TVP23B: variants seen among roughly 807,000 people sequenced by gnomAD.
The protein encoded by TVP23B is Golgi apparatus membrane protein TVP23 homolog B.
A neutral mutation model predicts 30.6 loss-of-function variants in TVP23B; 10 were observed. The ratio of observed to expected loss-of-function variants is 0.33; its 90% CI spans 0.20 to 0.55. The LOEUF is 0.55. TVP23B is among the 20% of genes least tolerant of loss of function. The pLI is 0.91. For synonymous variants in TVP23B, 67 were observed against 83.1 expected (o/e 0.81, Z 1.06); for missense variants, 153 against 243.2 (o/e 0.63, Z 2.47).
chr17:18,795,429 C>T lies in TVP23B; in HGVS notation c.241-2150C>T, dbSNP rs574351523. 5.2e-3 allele frequency among the ~76,000 whole-genome samples: 794 copies of T among 152,206 alleles called. 5 individuals are homozygous for T. Among genetic ancestry groups the T allele is most frequent in the African/African-American group, 0.018 (756 of 41,514 alleles). ...TGTATCAGTTGCCTCCTTCCTACTCCATATCCAATTAATGACCAAGTCCCA... is the reference window on the plus strand; with the variant it reads ...TGTATCAGTTGCCTCCTTCCTACTCTATATCCAATTAATGACCAAGTCCCA... On this transcript the variant is annotated intron_variant, in intron 3 of 6. Coordinates refer to ENST00000307767, the MANE Select transcript of TVP23B (RefSeq NM_016078.6).
intron 5 of TVP23B, among the ~76,000 whole-genome samples, chr17:18,802,483 A>AT (rs1306260794): frequency 1.3e-5 from 2 of 150,324 alleles, no homozygotes; most frequent in African/African-American, 4.9e-5. Context: ...CTGTTTCTGC[A>AT]TTTTTTTCTC....
chr17:18,790,162 G>A lies in TVP23B; in HGVS notation c.95+727G>A, dbSNP rs1258218045. ...GATATGTGAATTATATCTCAAAAAA[G>A]CTATTAAAAAACAAGAAACAGGCTG... On this transcript the variant is annotated intron_variant, in intron 2 of 6. Transcript: ENST00000307767. 2.6e-5 allele frequency among the ~76,000 whole-genome samples: 4 copies of A among 152,160 alleles called. No homozygotes were observed. The East Asian group carries it at 5.8e-4, about 22-fold the overall frequency.
intron 3 of TVP23B, among the ~76,000 whole-genome samples, 174 bp downstream of exon 3, chr17:18,791,214 A>AT (rs1320004078): frequency 3.6e-5 from 2 of 56,144 alleles, no homozygotes; most frequent in South Asian, 6.5e-4. Flanking sequence ...TTTTTTTTTC[A>AT]TTTTTTCCCT....
In TVP23B at chr17:18,790,965, G is replaced by T. The variant is rs1482236445; in HGVS notation, c.165G>T (p.Gly55=). The T allele has an allele frequency of 1.2e-6, 2 of 1,612,180 alleles. No individual in the cohort carries two copies. Among genetic ancestry groups the T allele is most frequent in the East Asian group, 4.5e-5 (2 of 44,854 alleles). ...VSAIIVYLLC[G]LLSSSFITCM... ...CAATCATCGTCTATCTTCTCTGTGG[G>T]TTGCTCAGCAGCAGCTTTATTACCT... The change falls in exon 3 of 7, where the codon GGG becomes GGT. Residue 55 remains glycine, a synonymous_variant. Coordinates refer to ENST00000307767, the MANE Select transcript of TVP23B (RefSeq NM_016078.6).
intron 1 of TVP23B, 65 bp from the exon 2 acceptor site, chr17:18,789,288 C>T (rs1380421648): frequency 6.3e-7 from 1 of 1,596,450 alleles, no homozygotes; most frequent in Admixed American, 1.7e-5. Flanking sequence ...TGCAGCTTTG[C>T]ATTGCAGTGG....
At position 18,805,835 on chromosome 17, in the gene TVP23B, C is replaced by CG. The variant is rs1430027380; in HGVS notation, c.*270dup. 7.9e-7 allele frequency: 1 copy of CG among 1,260,048 alleles called. No individual in the cohort carries two copies. Among genetic ancestry groups the CG allele is most frequent in the African/African-American group, 1.5e-5 (1 of 65,218 alleles). 78.1% of individuals were successfully genotyped at this position (1,260,048 alleles called of 1,614,324 possible). On this transcript the variant is annotated 3_prime_UTR_variant, in exon 7 of 7. Transcript: ENST00000307767. ...TATGCACATTCCATAGGTATGCACA[C>CG]GGCCATGTAATATCAGTATATCCCA...
intron 1 of TVP23B, among the ~76,000 whole-genome samples, chr17:18,784,216 C>G (rs1362913377): frequency 6.6e-6 from 1 of 152,166 alleles, no homozygotes; most frequent in East Asian, 1.9e-4. Context: ...CATTCTTTTT[C>G]CTTTAAAGAC....
intron 1 of TVP23B, among the ~76,000 whole-genome samples, chr17:18,783,565 G>T (rs2151841925): frequency 6.6e-6 from 1 of 152,272 alleles, no homozygotes; most frequent in East Asian, 1.9e-4. Context: ...CTCTCAGCTG[G>T]TAACGTTGCT....
At chr17:18,788,309 C>G (rs55895228) in intron 1 of TVP23B, among the ~76,000 whole-genome samples, 1 of 121,914 alleles carries the variant, frequency 8.2e-6, no homozygotes, top group East Asian at 2.4e-4. Flanking sequence ...CCAGCCTGAG[C>G]GACAGAGCAA....
At chr17:18,783,684 T>C (rs916986708) in intron 1 of TVP23B, among the ~76,000 whole-genome samples, 11 of 152,356 alleles carry the variant, frequency 7.2e-5, no homozygotes, top group Middle Eastern at 3.4e-3. Context: ...GGACTGTTAG[T>C]GCTCCATTCT....
rs1034791684 is a variant in TVP23B, at chr17:18,794,000, G to T, written c.240+2960G>T. 6.8e-4 allele frequency among the ~76,000 whole-genome samples: 103 copies of T among 151,660 alleles called. 1 individual carries two copies. The highest frequency in any genetic ancestry group is 1.9e-4 in the Non-Finnish European group (13 of 67,850). ...ATGGATCAGAGTAAGAAAGCACTAA[G>T]AGGAACAGAAAAAGGTGATTTTATG... On this transcript the variant is annotated intron_variant, in intron 3 of 6. Transcript: ENST00000307767.
At chr17:18,797,453 T>C (rs779077584) in intron 3 of TVP23B, 126 bp from the exon 4 acceptor site, 1 of 1,407,768 alleles carries the variant, frequency 7.1e-7, no homozygotes, top group African/African-American at 1.4e-5. Flanking sequence ...TAGTCTTTGC[T>C]AACTGGATAT....
chr17:18,790,642 T>C (rs977286797), intron 2 of TVP23B, among the ~76,000 whole-genome samples: 2 of 152,162 alleles, frequency 1.3e-5, no homozygotes, highest in African/African-American at 2.4e-5. Context: ...ATTATCTATT[T>C]TGTGAAAGTT....
intron 1 of TVP23B, among the ~76,000 whole-genome samples, chr17:18,785,403 T>TTTA (rs1555540161): frequency 6.6e-6 from 1 of 150,414 alleles, no homozygotes; most frequent in Admixed American, 6.6e-5. Flanking sequence ...TTTTTTTTTT[T>TTTA]AAATCTGTAC....
intron 5 of TVP23B, among the ~76,000 whole-genome samples, chr17:18,802,403 A>G (rs191937358): frequency 6.6e-6 from 1 of 151,930 alleles, no homozygotes; most frequent in Admixed American, 6.6e-5. Context: ...TGGCACCACT[A>G]TGGCCAGCTG....
At chr17:18,789,464 G>A in intron 2 of TVP23B, 29 bp downstream of exon 2, 2 of 1,613,930 alleles carry the variant, frequency 1.2e-6, no homozygotes, top group Non-Finnish European at 1.7e-6. Context: ...CATGAGCTGT[G>A]TTAGTGTCCA....
In TVP23B at chr17:18,798,708, G is replaced by A. The variant is rs560427197; in HGVS notation, c.331-104G>A. 982 of 1,461,866 alleles carry A rather than the reference G, an allele frequency of 6.7e-4. 1 individual carries two copies. Among genetic ancestry groups the A allele is most frequent in the Middle Eastern group, 9.2e-4 (5 of 5,432 alleles). 90.6% of individuals were successfully genotyped at this position (1,461,866 alleles called of 1,614,324 possible). A position where few individuals can be genotyped will look rare whatever the true frequency, so the allele number is the denominator to read the frequency against. On this transcript the variant is annotated intron_variant, in intron 4 of 6. Transcript: ENST00000307767. ...TTCTAACTTAGGAGTTGGGCTGTGT[G>A]TATTAATATTTGAACTTGTGGGTAA...
At chr17:18,791,198 T>G (rs1455519107) in intron 3 of TVP23B, among the ~76,000 whole-genome samples, 158 bp downstream of exon 3, 10 of 146,006 alleles carry the variant, frequency 6.8e-5, no homozygotes, top group African/African-American at 2.3e-4. Flanking sequence ...TTTTTTTTTT[T>G]TTTTTTTTTT....
chr17:18,800,725 C>G (rs3906876), intron 5 of TVP23B, among the ~76,000 whole-genome samples: 1 of 151,508 alleles, frequency 6.6e-6, no homozygotes, highest in Non-Finnish European at 1.5e-5. Flanking sequence ...ACAGGCAGAC[C>G]AAAGTTTTGC....
Sources: gnomAD v4.1 joint callset for allele counts (sites outside exome capture counted in the v4.1 genomes callset) on GRCh38, gnomAD v4.1.1 for gene constraint, MANE v1.5 for transcripts, NCBI Gene and HGNC (gene_info 2026-07-23, HGNC 2026-07-21) for gene names.